Variants in SEL1L observed in about 807,000 individuals in gnomAD.
SEL1L encodes the protein SEL1L adaptor subunit of SYVN1 ubiquitin ligase.
SEL1L carries 52 observed loss-of-function variants against 109.8 expected under a neutral mutation model. That is an observed-to-expected ratio of 0.47 (90% confidence interval 0.38 to 0.60). The LOEUF is 0.60. Among genes scored for constraint, SEL1L ranks in the 20% least tolerant of loss-of-function variants. The pLI is 0.00. For missense variants in SEL1L, 749 were observed against 962.2 expected, an observed-to-expected ratio of 0.78 and a Z score of 2.93; for synonymous variants, 373 against 339.6, an observed-to-expected ratio of 1.10 and a Z score of -1.08.
intron 3 of SEL1L, among the ~76,000 whole-genome samples, chr14:81,524,733 G>A (rs987133263): frequency 6.6e-6 from 1 of 152,112 alleles, no homozygotes; most frequent in Non-Finnish European, 1.5e-5. Context: ...AATTAGCCAG[G>A]CATGGTGGTA....
intron 19 of SEL1L, among the ~76,000 whole-genome samples, chr14:81,482,721 G>A (rs886084541): frequency 3.3e-5 from 5 of 152,022 alleles, no homozygotes; most frequent in Non-Finnish European, 7.4e-5. Flanking sequence ...TAAGTATTAA[G>A]GTAAGTTTAA....
chr14:81,492,552 T>A lies in SEL1L; in HGVS notation c.1186-4A>T. The A allele has an allele frequency of 6.3e-7, 1 of 1,584,364 alleles. No individual in the cohort carries two copies. The highest frequency in any genetic ancestry group is 8.6e-7 in the Non-Finnish European group (1 of 1,160,184). ...AATTGAAGTAGTCAAATGCTCTCTA[T>A]GAGAAAAGAATTTATTAAAATAATT... On this transcript the variant is annotated splice_region_variant and splice_polypyrimidine_tract_variant and intron_variant, in intron 11 of 20. Transcript: ENST00000336735.
At chr14:81,497,748 G>C in intron 10 of SEL1L, 144 bp downstream of exon 10, 1 of 687,302 alleles carries the variant, frequency 1.5e-6, no homozygotes, top group Non-Finnish European at 2.3e-6. Context: ...TTTTTTTAAG[G>C]GGCTCAGGTG....
intron 19 of SEL1L, among the ~76,000 whole-genome samples, chr14:81,482,826 G>A (rs1030962593): frequency 1.3e-5 from 2 of 152,148 alleles, no homozygotes; most frequent in African/African-American, 4.8e-5. Flanking sequence ...TAGCAAAAAT[G>A]AACAACTTTC....
At chr14:81,511,890 GA>G (rs1477505489) in intron 3 of SEL1L, among the ~76,000 whole-genome samples, 1 of 152,148 alleles carries the variant, frequency 6.6e-6, no homozygotes, top group East Asian at 1.9e-4. Flanking sequence ...CAAACAGTAA[GA>G]AAGTATACAA....
At chr14:81,531,548 G>C (rs1885322013) in intron 1 of SEL1L, among the ~76,000 whole-genome samples, 1 of 151,988 alleles carries the variant, frequency 6.6e-6, no homozygotes, top group South Asian at 2.1e-4. Context: ...TTTAACACAG[G>C]GTTGTTTTTT....
intron 1 of SEL1L, among the ~76,000 whole-genome samples, chr14:81,529,015 T>C (rs1450408159): frequency 6.6e-6 from 1 of 152,188 alleles, no homozygotes; most frequent in Non-Finnish European, 1.5e-5. Flanking sequence ...ATGAAAGTGC[T>C]GTCAAGTCAA....
intron 3 of SEL1L, among the ~76,000 whole-genome samples, chr14:81,509,219 C>T (rs1207543968): frequency 6.6e-6 from 1 of 152,198 alleles, no homozygotes; most frequent in Non-Finnish European, 1.5e-5. Flanking sequence ...TCACAATAGT[C>T]TTAATTTCAG....
chr14:81,472,134 G>A lies in SEL1L; in HGVS notation c.*4838C>T, dbSNP rs1903029278. ...CAAGTTGCAGCCAATGAAGATGGAG[G>A]ACATTCTAATGACTTGCCAGAAAGA... On this transcript the variant is annotated 3_prime_UTR_variant, in exon 21 of 21. Transcript: ENST00000336735. 6.5e-6 allele frequency: 1 copy of A among 153,726 alleles called. No homozygotes were observed. Among genetic ancestry groups the A allele is most frequent in the Non-Finnish European group, 1.4e-5 (1 of 69,058 alleles). The allele number at this position is 153,726 out of a possible 1,614,324, so 9.5% of individuals were successfully genotyped here.
At chr14:81,523,599 T>C (rs1043537548) in intron 3 of SEL1L, among the ~76,000 whole-genome samples, 1 of 151,930 alleles carries the variant, frequency 6.6e-6, no homozygotes. Flanking sequence ...AAGAAGGGGG[T>C]TGTGGGAACC....
rs1433299676 is a variant in SEL1L at position 81,498,493 on chromosome 14, C to A, written c.893G>T (p.Gly298Val). 1 of 1,613,054 alleles carries A rather than the reference C, an allele frequency of 6.2e-7. No homozygotes were observed. Among genetic ancestry groups the A allele is most frequent in the South Asian group, 1.1e-5 (1 of 90,980 alleles). ...GCCGATGCCAGCCCAGTATCTGTAA[C>A]CCTGTAAAACAACTTCACGTGAGGA... ...GGNLIAHMVL[G>V]YRYWAGIGVL... Residue 298 changes from glycine to valine, a missense_variant and splice_region_variant, in exon 9 of 21, where the codon GGT becomes GTT. This residue lies in a region of SEL1L where 366 missense variants were observed against 399.8 expected (regional missense o/e 0.92). Transcript: ENST00000336735.
chr14:81,516,465 C>T (rs1595530502), intron 3 of SEL1L, among the ~76,000 whole-genome samples: 1 of 152,294 alleles, frequency 6.6e-6, no homozygotes, highest in East Asian at 1.9e-4. Context: ...GATATATTAG[C>T]CAAAGCTGGA....
At chr14:81,533,577 G>T in intron 1 of SEL1L, 98 bp downstream of exon 1, 3 of 1,161,720 alleles carry the variant, frequency 2.6e-6, no homozygotes, top group South Asian at 1.3e-5. Context: ...TGCCCAGGGA[G>T]AACGGGGTCC....
Position 81,487,922 on chromosome 14 carries a change from C to T in SEL1L, c.1416G>A (p.Lys472=). The T allele has an allele frequency of 6.2e-7, 1 of 1,613,696 alleles. No homozygotes were observed. Among genetic ancestry groups the T allele is most frequent in the Non-Finnish European group, 8.5e-7 (1 of 1,179,812 alleles). ...GVQVNYDLAL[K]YFQKAAEQGW... ...CTTGTTCAGCAGCTTTCTGGAAATA[C>T]TTAAGGGCTAGATCATAATTCTGTA... The change falls in exon 15 of 21, where the codon AAG becomes AAA. Residue 472 remains lysine, a synonymous_variant. Transcript: ENST00000336735.
chr14:81,485,511 C>T (rs1903493415), intron 18 of SEL1L, among the ~76,000 whole-genome samples, 161 bp downstream of exon 18: 2 of 150,626 alleles, frequency 1.3e-5, no homozygotes, highest in African/African-American at 4.9e-5. Flanking sequence ...GTTTCGGTTT[C>T]GAACTCCTGA....
intron 3 of SEL1L, among the ~76,000 whole-genome samples, chr14:81,520,770 C>T (rs1240777167): frequency 2.0e-5 from 3 of 152,216 alleles, no homozygotes; most frequent in Admixed American, 6.5e-5. Flanking sequence ...GTCTACATTG[C>T]TCATTATACA....
intron 14 of SEL1L, among the ~76,000 whole-genome samples, chr14:81,488,338 A>C (rs929558057): frequency 6.6e-6 from 1 of 152,198 alleles, no homozygotes; most frequent in Non-Finnish European, 1.5e-5. Context: ...CTTACCAAAC[A>C]CTATGACTAT....
intron 3 of SEL1L, among the ~76,000 whole-genome samples, chr14:81,519,805 G>A (rs189758799): frequency 2.0e-5 from 3 of 152,322 alleles, no homozygotes; most frequent in Admixed American, 2.0e-4. Context: ...TTGGGCAAAG[G>A]AATGAGGAAG....
At chr14:81,518,978 C>T (rs1236801268) in intron 3 of SEL1L, among the ~76,000 whole-genome samples, 1 of 152,126 alleles carries the variant, frequency 6.6e-6, no homozygotes, top group African/African-American at 2.4e-5. Context: ...TGGTTAGCAT[C>T]TGGAAATTTA....
Sources: allele counts gnomAD v4.1 joint callset (sites outside exome capture counted in the v4.1 genomes callset), GRCh38; gene constraint gnomAD v4.1.1; regional missense constraint gnomAD v4.1.1; transcripts MANE v1.5; gene names NCBI Gene and HGNC (gene_info 2026-07-23, HGNC 2026-07-21).